The following RYR3 variants were observed in gnomAD, a reference collection of about 807,000 sequenced individuals.
The protein encoded by RYR3 is brain ryanodine receptor-calcium release channel.
A neutral mutation model predicts 584.3 loss-of-function variants in RYR3; 207 were observed. The observed-to-expected ratio is 0.35, with a 90% CI of 0.32 to 0.40. The LOEUF is 0.40. Ranked by LOEUF, RYR3 falls within the 10% of genes least tolerant of loss-of-function variation. The pLI, the probability that RYR3 is intolerant of heterozygous loss-of-function variation, is 1.00. For missense variants in RYR3, 5,616 were observed against 6,089.2 expected, an observed-to-expected ratio of 0.92 and a Z score of 2.59; for synonymous variants, 2,416 against 2,248.5, an observed-to-expected ratio of 1.07 and a Z score of -2.11.
intron 1 of RYR3, among the ~76,000 whole-genome samples, chr15:33,372,358 A>ATTTT (rs59663566): frequency 9.3e-5 from 7 of 75,564 alleles, no homozygotes; most frequent in African/African-American, 2.4e-4. Context: ...TGCCCGGCTA[A>ATTTT]TTTTTTTTTT....
intron 1 of RYR3, among the ~76,000 whole-genome samples, chr15:33,337,108 TAAAA>T (rs35761766): frequency 6.9e-5 from 8 of 116,084 alleles, no homozygotes; most frequent in Admixed American, 2.5e-4. Flanking sequence ...AGGAGACTGA[TAAAA>T]AAAGAGAAGG....
chr15:33,418,008 C>T (rs939941734), intron 1 of RYR3, among the ~76,000 whole-genome samples: 15 of 152,096 alleles, frequency 9.9e-5, no homozygotes, highest in Non-Finnish European at 1.3e-4. Context: ...ACCATCTTTG[C>T]GTCACAGATA....
intron 45 of RYR3, among the ~76,000 whole-genome samples, chr15:33,725,666 CA>C (rs1319051492): frequency 6.6e-6 from 1 of 151,858 alleles, no homozygotes; most frequent in Non-Finnish European, 1.5e-5. Context: ...CTATGTTTAA[CA>C]GATTTCTAGA....
At chr15:33,407,210 C>T (rs752253977) in intron 1 of RYR3, among the ~76,000 whole-genome samples, 2 of 152,156 alleles carry the variant, frequency 1.3e-5, no homozygotes, top group African/African-American at 4.8e-5. Flanking sequence ...CTTAAAGGCC[C>T]CACCTCTTAA....
chr15:33,456,187 T>C (rs2047543964), intron 1 of RYR3, among the ~76,000 whole-genome samples: 1 of 152,184 alleles, frequency 6.6e-6, no homozygotes, highest in South Asian at 2.1e-4. Flanking sequence ...GGATAATGGA[T>C]GGTTACCATC....
chr15:33,467,256 G>A (rs932125408), intron 1 of RYR3, among the ~76,000 whole-genome samples: 10 of 152,178 alleles, frequency 6.6e-5, no homozygotes, highest in Admixed American at 5.9e-4. Context: ...TCTGTCCCAC[G>A]TGCTCCTGGT....
intron 10 of RYR3, among the ~76,000 whole-genome samples, chr15:33,557,346 C>A (rs2057132567): frequency 6.6e-6 from 1 of 152,182 alleles, no homozygotes; most frequent in African/African-American, 2.4e-5. Flanking sequence ...TAGTTTGAAC[C>A]AGACCGGGGC....
rs369140231 is a variant in RYR3 at position 33,837,795 on chromosome 15, A to C, written c.11815A>C (p.Ile3939Leu). 3 of 1,613,918 alleles carry C rather than the reference A, an allele frequency of 1.9e-6. No homozygotes were observed. The African/African-American group carries it at 4.0e-5, about 22-fold the overall frequency. The change falls in exon 89 of 104, where the codon ATC becomes CTC. Residue 3939 changes from isoleucine to leucine, a missense_variant. Coordinates refer to ENST00000634891, the MANE Select transcript of RYR3 (RefSeq NM_001036.6). ...ATATGACCCAGATGGTAAAGGAATT[A>C]TCTCCAAAAAAGAATTCCAGAAGGC... ...KEYDPDGKGI[I>L]SKKEFQKAME...
chr15:33,674,566 A>G (rs1048529248), intron 38 of RYR3, among the ~76,000 whole-genome samples: 1 of 152,130 alleles, frequency 6.6e-6, no homozygotes, highest in African/African-American at 2.4e-5. Flanking sequence ...TTGACCTCCA[A>G]CTGAATATTG....
At chr15:33,678,709 T>G (rs2064359780) in intron 38 of RYR3, among the ~76,000 whole-genome samples, 1 of 152,218 alleles carries the variant, frequency 6.6e-6, no homozygotes, top group Admixed American at 6.5e-5. Flanking sequence ...TGCTGTTTCC[T>G]GTGGAGCCTG....
At chr15:33,453,953 G>C (rs963099362) in intron 1 of RYR3, among the ~76,000 whole-genome samples, 1 of 152,154 alleles carries the variant, frequency 6.6e-6, no homozygotes, top group Non-Finnish European at 1.5e-5. Flanking sequence ...GACTTGTTTT[G>C]AATGAAGAAT....
chr15:33,711,495 G>A lies in RYR3; in HGVS notation c.6619+4441G>A, dbSNP rs545231906. On this transcript the variant is annotated intron_variant, in intron 43 of 103. Transcript: ENST00000634891. ...CCTGACTTCGTGATCCACCCGCCTC[G>A]GCCTCCCAAAGTGCTGGGATTATAG... 2.3e-3 allele frequency among the ~76,000 whole-genome samples: 345 copies of A among 152,048 alleles called. 2 individuals are homozygous for A. The highest frequency in any genetic ancestry group is 8.0e-3 in the African/African-American group (333 of 41,468).
chr15:33,356,509 A>G (rs143815709), intron 1 of RYR3, among the ~76,000 whole-genome samples: 3 of 152,352 alleles, frequency 2.0e-5, no homozygotes, highest in Admixed American at 6.5e-5. Context: ...CTCTATGGAC[A>G]TAGTGGCACA....
chr15:33,588,945 C>T (rs2058991949), intron 16 of RYR3, among the ~76,000 whole-genome samples: 2 of 151,968 alleles, frequency 1.3e-5, no homozygotes, highest in South Asian at 4.1e-4. Flanking sequence ...TTTGATATAG[C>T]AATTTATTTT....
intron 34 of RYR3, among the ~76,000 whole-genome samples, chr15:33,661,042 A>G (rs1234604428): frequency 6.6e-6 from 1 of 152,232 alleles, no homozygotes; most frequent in South Asian, 2.1e-4. Flanking sequence ...ATAAAAAAGC[A>G]GAGCAATGGG....
chr15:33,653,063 GA>G (rs1164234728), intron 32 of RYR3, among the ~76,000 whole-genome samples, 180 bp downstream of exon 32: 7 of 152,122 alleles, frequency 4.6e-5, no homozygotes, highest in Admixed American at 3.9e-4. Flanking sequence ...TGTATGCAGA[GA>G]AAAAAAGGCT....
intron 2 of RYR3, among the ~76,000 whole-genome samples, chr15:33,484,425 G>T (rs1330006883): frequency 6.6e-6 from 1 of 152,102 alleles, no homozygotes; most frequent in Admixed American, 6.5e-5. Context: ...GGCACTACTA[G>T]AGAGGGAATT....
In RYR3 at chr15:33,502,401, T is replaced by C. The variant is rs141923608; in HGVS notation, c.172-1230T>C. Among the ~76,000 whole-genome samples, 88 of 152,358 alleles carry C rather than the reference T, an allele frequency of 5.8e-4. 1 individual carries two copies. Among genetic ancestry groups the C allele is most frequent in the Non-Finnish European group, 1.0e-3 (69 of 68,028 alleles). ...GGAGCTCCATGGAAACAGCTTTACC[T>C]GTTTTGAAGTGTTAGGCATGGCTGT... On this transcript the variant is annotated intron_variant, in intron 2 of 103. Coordinates refer to ENST00000634891, the MANE Select transcript of RYR3 (RefSeq NM_001036.6).
chr15:33,500,871 G>A (rs2051920630), intron 2 of RYR3, among the ~76,000 whole-genome samples: 1 of 152,218 alleles, frequency 6.6e-6, no homozygotes, highest in Admixed American at 6.5e-5. Flanking sequence ...TAGCAGGTCA[G>A]ATGGCTCTGT....
Sources: allele counts gnomAD v4.1 joint callset (sites outside exome capture counted in the v4.1 genomes callset), GRCh38; gene constraint gnomAD v4.1.1; transcripts MANE v1.5; gene names NCBI Gene and HGNC (gene_info 2026-07-23, HGNC 2026-07-21).